MAML3: variants seen among roughly 807,000 people sequenced by gnomAD.
The protein encoded by MAML3 is mastermind like transcriptional coactivator 3.
MAML3 carries 27 observed loss-of-function variants against 101.9 expected under a neutral mutation model. The observed-to-expected ratio is 0.27, with a 90% CI of 0.20 to 0.37. The LOEUF (loss-of-function observed/expected upper bound fraction) is 0.37. Among genes scored for constraint, MAML3 ranks in the 10% least tolerant of loss-of-function variants. MAML3 has a pLI of 1.00. For missense variants in MAML3, 1,316 were observed against 1,444.9 expected (o/e 0.91, Z 1.45); for synonymous variants, 501 against 555.9 (o/e 0.90, Z 1.39).
intron 1 of MAML3, among the ~76,000 whole-genome samples, chr4:140,074,238 A>G (rs571076114): frequency 1.4e-4 from 20 of 147,700 alleles, no homozygotes; most frequent in Non-Finnish European, 2.3e-4. Context: ...AGAAAGAAAG[A>G]AAGAAAGAAA....
At chr4:140,088,742 G>C (rs115226760) in intron 1 of MAML3, among the ~76,000 whole-genome samples, 1 of 152,080 alleles carries the variant, frequency 6.6e-6, no homozygotes, top group African/African-American at 2.4e-5. Flanking sequence ...CTTAAGGAAT[G>C]TGAGTGTGCT....
intron 1 of MAML3, among the ~76,000 whole-genome samples, chr4:140,082,615 A>G (rs553164601): frequency 2.0e-5 from 3 of 152,254 alleles, no homozygotes; most frequent in African/African-American, 7.2e-5. Context: ...CCGACCTCAC[A>G]GGCAAGTCCA....
intron 2 of MAML3, among the ~76,000 whole-genome samples, chr4:139,736,681 C>T (rs1292647447): frequency 1.3e-5 from 2 of 152,176 alleles, no homozygotes; most frequent in Non-Finnish European, 2.9e-5. Context: ...GTTCCAGGAT[C>T]AAATGCATTA....
At chr4:139,884,305 C>T (rs750965155) in intron 2 of MAML3, among the ~76,000 whole-genome samples, 1 of 152,208 alleles carries the variant, frequency 6.6e-6, no homozygotes, top group Non-Finnish European at 1.5e-5. Context: ...CCACACAGGG[C>T]ATTCCACAAA....
chr4:140,137,092 C>T lies in MAML3; in HGVS notation c.468+15768G>A, dbSNP rs564859490. 2.0e-5 allele frequency among the ~76,000 whole-genome samples: 3 copies of T among 152,340 alleles called. No individual in the cohort carries two copies. In the South Asian group the frequency reaches 6.2e-4, roughly 32 times the overall value. On this transcript the variant is annotated intron_variant, in intron 1 of 4. Coordinates refer to ENST00000509479, the MANE Select transcript of MAML3 (RefSeq NM_018717.5). ...CAGGCTCCGCCTCCCGGGTTCACGCCATTCTCCTGCCTCAGCCTCCTGAGT... is the reference window on the plus strand; with the variant it reads ...CAGGCTCCGCCTCCCGGGTTCACGCTATTCTCCTGCCTCAGCCTCCTGAGT...
chr4:139,981,461 G>A (rs537059532), intron 1 of MAML3, among the ~76,000 whole-genome samples: 1 of 152,266 alleles, frequency 6.6e-6, no homozygotes, highest in African/African-American at 2.4e-5. Flanking sequence ...AATTTGCAAA[G>A]ATAATACAGA....
At chr4:139,737,314 A>ATT (rs200018580) in intron 2 of MAML3, among the ~76,000 whole-genome samples, 3 of 147,920 alleles carry the variant, frequency 2.0e-5, no homozygotes, top group Admixed American at 6.7e-5. Context: ...CATTTTGTTG[A>ATT]TTTTTTTTTT....
intron 1 of MAML3, among the ~76,000 whole-genome samples, chr4:139,984,151 G>C (rs1005484537): frequency 6.6e-6 from 1 of 152,176 alleles, no homozygotes; most frequent in South Asian, 2.1e-4. Flanking sequence ...TGGCACTGGA[G>C]TAGTGGGCTA....
At chr4:140,071,649 G>GT (rs1398419238) in intron 1 of MAML3, among the ~76,000 whole-genome samples, 2 of 143,258 alleles carry the variant, frequency 1.4e-5, no homozygotes, top group African/African-American at 2.7e-5. Flanking sequence ...AGATCTCACA[G>GT]TTTAAAAAAA....
chr4:139,939,275 C>T (rs1733558108), intron 1 of MAML3, among the ~76,000 whole-genome samples: 1 of 152,202 alleles, frequency 6.6e-6, no homozygotes. Context: ...TCTCCTCATT[C>T]TTGACAGAGG....
chr4:139,963,168 C>T (rs1433376505), intron 1 of MAML3, among the ~76,000 whole-genome samples: 1 of 152,144 alleles, frequency 6.6e-6, no homozygotes, highest in Non-Finnish European at 1.5e-5. Context: ...CCTGTAGTCC[C>T]AGCTATTCAG....
At chr4:140,127,691 A>T (rs1464263678) in intron 1 of MAML3, among the ~76,000 whole-genome samples, 1 of 152,210 alleles carries the variant, frequency 6.6e-6, no homozygotes, top group Non-Finnish European at 1.5e-5. Context: ...CTCACTGTGG[A>T]TCCAGAACTT....
At chr4:140,126,566 T>A (rs1351150751) in intron 1 of MAML3, among the ~76,000 whole-genome samples, 1 of 152,196 alleles carries the variant, frequency 6.6e-6, no homozygotes, top group African/African-American at 2.4e-5. Flanking sequence ...ACACTGAATC[T>A]TGTGTTTCCC....
chr4:140,132,639 C>T (rs1192147527), intron 1 of MAML3, among the ~76,000 whole-genome samples: 3 of 152,232 alleles, frequency 2.0e-5, no homozygotes, highest in African/African-American at 7.2e-5. Context: ...AAGAAGGCAA[C>T]GTCTGCAAGC....
rs558568081 is a variant in MAML3, at chr4:139,736,167, A to T, written c.2080-5500T>A. 2.6e-4 allele frequency among the ~76,000 whole-genome samples: 39 copies of T among 152,188 alleles called. No homozygotes were observed. The East Asian group carries it at 5.8e-3, about 23-fold the overall frequency. On this transcript the variant is annotated intron_variant, in intron 2 of 4. Coordinates refer to ENST00000509479, the MANE Select transcript of MAML3 (RefSeq NM_018717.5). ...TCTGAATTGGGTCAAGTAAAAAAAA[A>T]TTTTTTTTAAAGGAAGGAATCTTTA...
chr4:140,066,147 C>G (rs1338670205), intron 1 of MAML3, among the ~76,000 whole-genome samples: 2 of 152,136 alleles, frequency 1.3e-5, no homozygotes, highest in Non-Finnish European at 2.9e-5. Flanking sequence ...CAGATTAGAC[C>G]TTTGCTTTTC....
intron 1 of MAML3, among the ~76,000 whole-genome samples, chr4:140,125,597 G>A (rs1728670572): frequency 6.6e-6 from 1 of 152,144 alleles, no homozygotes; most frequent in Non-Finnish European, 1.5e-5. Flanking sequence ...CTATGTAGAG[G>A]AGAAGGTACA....
intron 2 of MAML3, among the ~76,000 whole-genome samples, chr4:139,879,812 T>C (rs1732184401): frequency 6.6e-6 from 1 of 152,218 alleles, no homozygotes; most frequent in South Asian, 2.1e-4. Flanking sequence ...TTATCAGCTC[T>C]CTCAGCAAAC....
At chr4:139,964,261 A>T (rs1734081848) in intron 1 of MAML3, among the ~76,000 whole-genome samples, 1 of 152,244 alleles carries the variant, frequency 6.6e-6, no homozygotes, top group African/African-American at 2.4e-5. Context: ...TGCAACCATA[A>T]AAAGGAATGA....
Sources: allele counts gnomAD v4.1 joint callset (sites outside exome capture counted in the v4.1 genomes callset), GRCh38; gene constraint gnomAD v4.1.1; transcripts MANE v1.5; gene names NCBI Gene and HGNC (gene_info 2026-07-23, HGNC 2026-07-21).